The following TFEC variants were observed in gnomAD, a reference collection of about 807,000 sequenced individuals.
TFEC encodes the protein class E basic helix-loop-helix protein 34.
In TFEC, 31 loss-of-function variants were observed where a neutral mutation model predicts 41.6. The ratio of observed to expected loss-of-function variants is 0.74; its 90% CI spans 0.56 to 1.01. The LOEUF (loss-of-function observed/expected upper bound fraction) is 1.01, where lower values mean the gene tolerates loss of function less well. TFEC is among the 50% of genes least tolerant of loss of function. The pLI is 0.00. For missense variants in TFEC, 402 were observed against 404.1 expected (o/e 0.99, Z 0.04); for synonymous variants, 143 against 140.6 (o/e 1.02, Z -0.12).
intron 1 of TFEC, among the ~76,000 whole-genome samples, chr7:115,989,766 G>T (rs1211496486): frequency 6.6e-6 from 1 of 152,166 alleles, no homozygotes; most frequent in Non-Finnish European, 1.5e-5. Context: ...GCTCAAGGAG[G>T]CCTGCCTGCC....
In TFEC at chr7:115,938,983, G is replaced by A. The variant is rs1793358791; in HGVS notation, c.*1568C>T. ...TATTCTCACTTTTATCATTTGGTTG[G>A]TATTATTCCTTTATATGCCCTCACT... On this transcript the variant is annotated 3_prime_UTR_variant, in exon 8 of 8. Coordinates refer to ENST00000265440, the MANE Select transcript of TFEC (RefSeq NM_012252.4). 1 of 151,780 alleles carries A rather than the reference G, an allele frequency of 6.6e-6. No individual in the cohort carries two copies. The highest frequency in any genetic ancestry group is 1.5e-5 in the Non-Finnish European group (1 of 67,896). The allele number at this position is 151,780 out of a possible 1,614,324, so 9.4% of individuals were successfully genotyped here. A position where few individuals can be genotyped will look rare whatever the true frequency, so the allele number is the denominator to read the frequency against.
At chr7:116,026,679 C>T (rs1266792102) in intron 1 of TFEC, among the ~76,000 whole-genome samples, 1 of 152,114 alleles carries the variant, frequency 6.6e-6, no homozygotes, top group Non-Finnish European at 1.5e-5. Context: ...TTTTCAAACA[C>T]TATTAGAAGG....
At chr7:116,098,764 T>G (rs1797530199) in intron 3 of TFEC, among the ~76,000 whole-genome samples, 1 of 151,954 alleles carries the variant, frequency 6.6e-6, no homozygotes, top group Non-Finnish European at 1.5e-5. Flanking sequence ...ATCATTTAAA[T>G]GAATACTTCC....
chr7:115,993,515 G>T (rs1794219622), intron 1 of TFEC, among the ~76,000 whole-genome samples: 1 of 152,156 alleles, frequency 6.6e-6, no homozygotes, highest in Non-Finnish European at 1.5e-5. Context: ...AAAGTCTCAG[G>T]ATATAAAATC....
intron 3 of TFEC, among the ~76,000 whole-genome samples, chr7:116,048,459 C>T (rs1796226234): frequency 1.3e-5 from 2 of 152,174 alleles, no homozygotes; most frequent in Non-Finnish European, 2.9e-5. Flanking sequence ...TGAACAAAGC[C>T]TTGAAGAAAT....
intron 3 of TFEC, among the ~76,000 whole-genome samples, chr7:116,101,483 A>G (rs537432608): frequency 2.4e-4 from 37 of 152,336 alleles, no homozygotes; most frequent in Admixed American, 1.8e-3. Context: ...ACAACTTTAA[A>G]TAAGTTTAAC....
intron 1 of TFEC, among the ~76,000 whole-genome samples, chr7:116,148,097 C>T (rs1798681061): frequency 6.6e-6 from 1 of 152,124 alleles, no homozygotes; most frequent in Admixed American, 6.5e-5. Context: ...AAGACTTCAA[C>T]TTAGTTAGGG....
chr7:115,980,207 A>G (rs1420718766), intron 2 of TFEC, among the ~76,000 whole-genome samples: 1 of 152,180 alleles, frequency 6.6e-6, no homozygotes, highest in Non-Finnish European at 1.5e-5. Context: ...TCTCTTGTGA[A>G]TTCCTGCAAA....
At chr7:116,113,128 T>C (rs1451804894) in intron 1 of TFEC, among the ~76,000 whole-genome samples, 1 of 151,976 alleles carries the variant, frequency 6.6e-6, no homozygotes, top group Non-Finnish European at 1.5e-5. Context: ...TGATTTTTCC[T>C]TTTCCCTATT....
intron 1 of TFEC, among the ~76,000 whole-genome samples, chr7:115,998,085 T>C (rs779579491): frequency 6.6e-6 from 1 of 151,774 alleles, no homozygotes; most frequent in Non-Finnish European, 1.5e-5. Flanking sequence ...GAGAAAGATA[T>C]CAATATTCAA....
intron 3 of TFEC, among the ~76,000 whole-genome samples, chr7:116,103,478 A>G (rs1797648726): frequency 6.6e-6 from 1 of 152,224 alleles, no homozygotes; most frequent in South Asian, 2.1e-4. Flanking sequence ...TGTTCAATCT[A>G]GTGAGCAAAA....
At chr7:115,996,614 C>T (rs1206239286) in intron 1 of TFEC, among the ~76,000 whole-genome samples, 1 of 151,972 alleles carries the variant, frequency 6.6e-6, no homozygotes, top group Non-Finnish European at 1.5e-5. Flanking sequence ...TGGGGTAGAG[C>T]ACCCAGTGAG....
At chr7:115,945,634 T>A (rs4645505) in intron 6 of TFEC, among the ~76,000 whole-genome samples, 11,193 of 151,852 alleles carry the variant, frequency 0.074, 945 homozygotes, top group East Asian at 0.39. Context: ...ATTAATGTGT[T>A]TTCCATTAGA....
chr7:115,998,294 G>T (rs527820180), intron 1 of TFEC, among the ~76,000 whole-genome samples: 1 of 151,830 alleles, frequency 6.6e-6, no homozygotes, highest in Non-Finnish European at 1.5e-5. Flanking sequence ...TGCAAGCCTC[G>T]TGGTAACTCA....
chr7:116,157,258 C>G (rs535388562), intron 1 of TFEC: 1 of 152,160 alleles, frequency 6.6e-6, no homozygotes, highest in Admixed American at 6.5e-5. Flanking sequence ...TTCTTTCCCG[C>G]TTTTTTTCTC....
chr7:115,976,528 G>A (rs2130620121), intron 2 of TFEC, among the ~76,000 whole-genome samples: 1 of 152,246 alleles, frequency 6.6e-6, no homozygotes, highest in South Asian at 2.1e-4. Context: ...CTCTAGCCAT[G>A]GTCAGATGTT....
At chr7:116,113,623 T>C (rs1797905642) in intron 1 of TFEC, among the ~76,000 whole-genome samples, 1 of 152,066 alleles carries the variant, frequency 6.6e-6, no homozygotes, top group Non-Finnish European at 1.5e-5. Context: ...AGGAGGATTA[T>C]AATAAAGCAT....
At position 115,993,269 on chromosome 7, in the gene TFEC, T is replaced by A. The variant is rs552011395; in HGVS notation, c.-72-8756A>T. ...AATATCATACTGAATGGGAAAAAAC[T>A]AGAAGCATTCCCTTTGAAAACTGGC... On this transcript the variant is annotated intron_variant, in intron 1 of 7. Transcript: ENST00000265440. Among the ~76,000 whole-genome samples the A allele has an allele frequency of 3.9e-5, 6 of 152,240 alleles. No homozygotes were observed. In the East Asian group the frequency reaches 1.2e-3, roughly 29 times the overall value.
At chr7:116,007,006 T>G (rs1794819817) in intron 1 of TFEC, among the ~76,000 whole-genome samples, 2 of 152,232 alleles carry the variant, frequency 1.3e-5, no homozygotes, top group South Asian at 4.1e-4. Flanking sequence ...CATGCGGAAC[T>G]GTAAGTCGAT....
Sources: gnomAD v4.1 joint callset for allele counts (sites outside exome capture counted in the v4.1 genomes callset) on GRCh38, gnomAD v4.1.1 for gene constraint, MANE v1.5 for transcripts, NCBI Gene and HGNC (gene_info 2026-07-23, HGNC 2026-07-21) for gene names.